PALM2AKAP2: variants seen among roughly 807,000 people sequenced by gnomAD.
The protein encoded by PALM2AKAP2 is PALM2 and AKAP2 fusion.
Under a neutral mutation model 71.5 loss-of-function variants are expected in PALM2AKAP2, and 37 were observed. The observed-to-expected ratio is 0.52, with a 90% CI of 0.40 to 0.68. The LOEUF is 0.68. Among genes scored for constraint, PALM2AKAP2 ranks in the 30% least tolerant of loss-of-function variants. PALM2AKAP2 has a pLI of 0.00. For missense variants in PALM2AKAP2, 1,224 were observed against 1,191.8 expected, an observed-to-expected ratio of 1.03 and a Z score of -0.40; for synonymous variants, 468 against 478.8, an observed-to-expected ratio of 0.98 and a Z score of 0.29.
chr9:109,682,011 C>A (rs1399944798), intron 1 of PALM2AKAP2, among the ~76,000 whole-genome samples: 2 of 152,176 alleles, frequency 1.3e-5, no homozygotes, highest in Non-Finnish European at 2.9e-5. Flanking sequence ...CTGTTGGATT[C>A]AGTGGTTAAG....
At chr9:109,751,109 C>A (rs935739249) in intron 1 of PALM2AKAP2, among the ~76,000 whole-genome samples, 2 of 152,106 alleles carry the variant, frequency 1.3e-5, no homozygotes, top group Non-Finnish European at 2.9e-5. Context: ...ATTTTCAGTT[C>A]TGTTTTGTTT....
chr9:110,120,412 G>A lies in PALM2AKAP2; in HGVS notation c.157-15715G>A, dbSNP rs146278504. On this transcript the variant is annotated intron_variant, in intron 1 of 3. Transcript: ENST00000374525. ...TTTTATTGGCCTGCTAGACTTCTCAGTGCCTTTCCCTTAAATGTCACCAGT... is the reference window on the plus strand; with the variant it reads ...TTTTATTGGCCTGCTAGACTTCTCAATGCCTTTCCCTTAAATGTCACCAGT... Among the ~76,000 whole-genome samples, 662 of 152,328 alleles carry A rather than the reference G, an allele frequency of 4.3e-3. 4 individuals are homozygous for A. The highest frequency in any genetic ancestry group is 0.01 in the Middle Eastern group (3 of 294).
chr9:109,803,057 TTTGC>T (rs1827476682), intron 1 of PALM2AKAP2, among the ~76,000 whole-genome samples: 1 of 152,218 alleles, frequency 6.6e-6, no homozygotes, highest in Admixed American at 6.5e-5. Flanking sequence ...TCTGTGTTTG[TTTGC>T]TTGCTTGCTT....
intron 1 of PALM2AKAP2, among the ~76,000 whole-genome samples, chr9:109,691,833 G>T (rs1297328557): frequency 1.9e-4 from 7 of 36,040 alleles, no homozygotes; most frequent in East Asian, 1.4e-3. Flanking sequence ...CCAGAAAGAC[G>T]ATATATATAT....
intron 4 of PALM2AKAP2, 97 bp downstream of exon 4, chr9:109,923,946 T>A: frequency 8.1e-7 from 1 of 1,227,696 alleles, no homozygotes; most frequent in Non-Finnish European, 1.1e-6. Context: ...TGGGCATTGA[T>A]GAGAAATCTG....
intron 6 of PALM2AKAP2, among the ~76,000 whole-genome samples, chr9:109,993,382 G>A (rs1482235924): frequency 1.3e-5 from 2 of 152,102 alleles, no homozygotes; most frequent in African/African-American, 2.4e-5. Context: ...TCATTGAGAA[G>A]AGTTTCCTTC....
At chr9:109,708,673 G>A (rs113904865) in intron 1 of PALM2AKAP2, among the ~76,000 whole-genome samples, 192 of 152,284 alleles carry the variant, frequency 1.3e-3, no homozygotes, top group African/African-American at 3.8e-3. Flanking sequence ...ATCAATCCAG[G>A]CAAGCCTTTT....
At chr9:110,023,305 CTTTTTTTTTTTTTT>C (rs149672913) in intron 7 of PALM2AKAP2, among the ~76,000 whole-genome samples, 1 of 74,038 alleles carries the variant, frequency 1.4e-5, no homozygotes. Flanking sequence ...ATTGTGGTTT[CTTTTTTTTTTTTTT>C]TTTTTTTTTT....
At chr9:109,734,929 C>T (rs1303663509) in intron 1 of PALM2AKAP2, among the ~76,000 whole-genome samples, 3 of 152,130 alleles carry the variant, frequency 2.0e-5, no homozygotes, top group Non-Finnish European at 4.4e-5. Context: ...TAGATCCAAG[C>T]CTCTCCACTG....
At chr9:109,788,517 T>G (rs1030390200) in intron 1 of PALM2AKAP2, among the ~76,000 whole-genome samples, 3 of 152,202 alleles carry the variant, frequency 2.0e-5, no homozygotes, top group Non-Finnish European at 4.4e-5. Flanking sequence ...TCTGTAGGTC[T>G]AGGGTGATGT....
At chr9:109,790,017 G>C (rs1827069876) in intron 1 of PALM2AKAP2, among the ~76,000 whole-genome samples, 1 of 152,198 alleles carries the variant, frequency 6.6e-6, no homozygotes, top group East Asian at 1.9e-4. Context: ...TGTTTCTATA[G>C]GATCATATAA....
At position 109,842,636 on chromosome 9, in the gene PALM2AKAP2, TGTC is replaced by T. The variant is rs927838663; in HGVS notation, c.46-24849_46-24847del. ...CACTTCACTGGGAAGAAGTTTTTGT[TGTC>T]GTCGTTGTTGAATCAGCCCCAGTAA... On this transcript the variant is annotated intron_variant, in intron 1 of 9. Coordinates refer to the PALM2AKAP2 transcript ENST00000302798. Among the ~76,000 whole-genome samples the T allele has an allele frequency of 3.4e-4, 51 of 152,054 alleles. No individual in the cohort carries two copies. The South Asian group carries it at 7.1e-3, about 21-fold the overall frequency.
chr9:110,009,511 G>A (rs996489997), intron 6 of PALM2AKAP2, among the ~76,000 whole-genome samples: 40 of 152,028 alleles, frequency 2.6e-4, no homozygotes, highest in African/African-American at 8.4e-4. Context: ...TCAGGAGACC[G>A]AGACCATCCT....
chr9:109,763,340 C>T (rs974399934), intron 1 of PALM2AKAP2, among the ~76,000 whole-genome samples: 7 of 152,244 alleles, frequency 4.6e-5, no homozygotes, highest in South Asian at 4.1e-4. Context: ...GCTGAGACCA[C>T]GGGCTATACT....
intron 1 of PALM2AKAP2, among the ~76,000 whole-genome samples, chr9:110,116,524 G>T (rs938297688): frequency 6.6e-6 from 1 of 152,164 alleles, no homozygotes; most frequent in Non-Finnish European, 1.5e-5. Flanking sequence ...TAATGGATAA[G>T]CCGGCCTCCT....
chr9:109,902,439 A>G (rs557995577), intron 3 of PALM2AKAP2, among the ~76,000 whole-genome samples: 22 of 152,350 alleles, frequency 1.4e-4, no homozygotes, highest in African/African-American at 4.8e-4. Context: ...TTCTTTCATT[A>G]TGACGTCAAT....
intron 6 of PALM2AKAP2, among the ~76,000 whole-genome samples, chr9:109,947,070 A>G (rs746859943): frequency 6.6e-6 from 1 of 152,220 alleles, no homozygotes; most frequent in Non-Finnish European, 1.5e-5. Flanking sequence ...GATGGGGTGG[A>G]AGAGAAGGTA....
chr9:109,944,239 A>G (rs1179216879), intron 6 of PALM2AKAP2: 1 of 152,168 alleles, frequency 6.6e-6, no homozygotes, highest in East Asian at 1.9e-4. Flanking sequence ...GCAAATTCAC[A>G]AGCCTTGTTT....
At chr9:109,873,392 C>T (rs1339560578) in intron 2 of PALM2AKAP2, among the ~76,000 whole-genome samples, 1 of 151,858 alleles carries the variant, frequency 6.6e-6, no homozygotes, top group African/African-American at 2.4e-5. Flanking sequence ...GCCAAGATCA[C>T]ACCACTACAC....
Sources: gnomAD v4.1 joint callset for allele counts (sites outside exome capture counted in the v4.1 genomes callset) on GRCh38, gnomAD v4.1.1 for gene constraint, MANE v1.5 for transcripts, NCBI Gene and HGNC (gene_info 2026-07-23, HGNC 2026-07-21) for gene names.